BNC2: variants seen among roughly 807,000 people sequenced by gnomAD.
BNC2 encodes the protein basonuclin zinc finger protein 2.
In BNC2, 20 loss-of-function variants were observed where a neutral mutation model predicts 76.3. That is an observed-to-expected ratio of 0.26 (90% CI 0.18 to 0.38). The LOEUF (loss-of-function observed/expected upper bound fraction) is 0.38, where lower values mean the gene tolerates loss of function less well. Among genes scored for constraint, BNC2 ranks in the 10% least tolerant of loss-of-function variants. BNC2 has a pLI of 1.00. For synonymous variants in BNC2, 582 were observed against 514.8 expected, an observed-to-expected ratio of 1.13 and a Z score of -1.77; for missense variants, 1,382 against 1,399.8, an observed-to-expected ratio of 0.99 and a Z score of 0.20.
At chr9:16,625,162 C>G (rs960802222) in intron 3 of BNC2, among the ~76,000 whole-genome samples, 1 of 152,222 alleles carries the variant, frequency 6.6e-6, no homozygotes, top group Non-Finnish European at 1.5e-5. Context: ...GAACATGCAT[C>G]TACCCTATGC....
intron 1 of BNC2, among the ~76,000 whole-genome samples, chr9:16,784,137 A>G (rs938013295): frequency 1.3e-5 from 2 of 152,206 alleles, no homozygotes; most frequent in African/African-American, 2.4e-5. Context: ...TTCTTAGTCA[A>G]AAAGACTTTC....
In BNC2 at chr9:16,647,533, A is replaced by C. The variant is rs956801861; in HGVS notation, c.331-64448T>G. Among the ~76,000 whole-genome samples the C allele has an allele frequency of 3.3e-5, 5 of 152,264 alleles. No individual in the cohort carries two copies. The South Asian group carries it at 6.2e-4, about 19-fold the overall frequency. The stretch of plus-strand genomic sequence containing the variant: ...TGCAGAGAGAGTTTTTCTATTACAC[A>C]ATCATTTTTCCCCTAGGGTGACGCT... On this transcript the variant is annotated intron_variant, in intron 3 of 6. Coordinates refer to ENST00000380672, the MANE Select transcript of BNC2 (RefSeq NM_017637.6).
At chr9:16,704,524 T>C (rs1823603454) in intron 3 of BNC2, among the ~76,000 whole-genome samples, 2 of 150,988 alleles carry the variant, frequency 1.3e-5, no homozygotes, top group Non-Finnish European at 2.9e-5. Context: ...TTGGCTGCAA[T>C]TGAATTAGCA....
intron 3 of BNC2, chr9:16,727,590 C>CTTT: frequency 3.5e-6 from 2 of 572,742 alleles, no homozygotes; most frequent in Non-Finnish European, 3.1e-6. Flanking sequence ...ATCCTTTCCC[C>CTTT]TTTTTCTTTT....
intron 5 of BNC2, among the ~76,000 whole-genome samples, chr9:16,440,526 G>C (rs1434209359): frequency 6.6e-6 from 1 of 152,176 alleles, no homozygotes; most frequent in African/African-American, 2.4e-5. Flanking sequence ...TTCCAAGGTA[G>C]CCTGTACCTA....
At chr9:16,487,070 T>C (rs1822179690) in intron 5 of BNC2, among the ~76,000 whole-genome samples, 1 of 152,222 alleles carries the variant, frequency 6.6e-6, no homozygotes, top group African/African-American at 2.4e-5. Context: ...AGTGACACTT[T>C]CTATATTCCC....
At chr9:16,558,847 T>C (rs1383208073) in intron 4 of BNC2, among the ~76,000 whole-genome samples, 2 of 149,708 alleles carry the variant, frequency 1.3e-5, no homozygotes, top group Admixed American at 6.7e-5. Context: ...AGCAGGAGAA[T>C]CACTTGAACC....
intron 1 of BNC2, among the ~76,000 whole-genome samples, chr9:16,832,663 T>C (rs924278401): frequency 1.3e-5 from 2 of 152,000 alleles, no homozygotes; most frequent in East Asian, 1.9e-4. Context: ...CATTTAGAGG[T>C]AGAAGGAGAA....
At chr9:16,563,072 T>A (rs1372924089) in intron 4 of BNC2, among the ~76,000 whole-genome samples, 1 of 152,198 alleles carries the variant, frequency 6.6e-6, no homozygotes. Context: ...CTAATAAAAA[T>A]TAAGTCAAAT....
intron 3 of BNC2, among the ~76,000 whole-genome samples, chr9:16,604,006 CTT>C: frequency 6.6e-6 from 1 of 152,108 alleles, no homozygotes; most frequent in South Asian, 2.1e-4. Context: ...GTAAATAAAA[CTT>C]TACATGAGTT....
chr9:16,665,468 A>AAGAAAGAAAGAAAGAAAGAAAGAT (rs1822258285), intron 3 of BNC2, among the ~76,000 whole-genome samples: 1 of 124,568 alleles, frequency 8.0e-6, no homozygotes, highest in Non-Finnish European at 1.6e-5. Flanking sequence ...GAAAGAAAGA[A>AAGAAAGAAAGAAAGAAAGAAAGAT]AGAAAGAAAG....
At chr9:16,544,675 T>A (rs1215849896) in intron 5 of BNC2, among the ~76,000 whole-genome samples, 1 of 151,796 alleles carries the variant, frequency 6.6e-6, no homozygotes, top group Non-Finnish European at 1.5e-5. Flanking sequence ...AAAAATTAGC[T>A]AGGTGTGCTG....
rs915712179 is a variant in BNC2, at chr9:16,418,214, A to T, written c.*775T>A. On this transcript the variant is annotated 3_prime_UTR_variant, in exon 7 of 7. Transcript: ENST00000380672. ...GTACTAGTACAGGACATTTTAAAAA[A>T]TCAGATCTGTGCTGTAAAGCATGCC... The T allele has an allele frequency of 2.6e-5, 4 of 152,676 alleles. No individual in the cohort carries two copies. In the East Asian group the frequency reaches 7.7e-4, roughly 29 times the overall value. The allele number at this position is 152,676 out of a possible 1,614,324, so 9.5% of individuals were successfully genotyped here. A position where few individuals can be genotyped will look rare whatever the true frequency, so the allele number is the denominator to read the frequency against.
In BNC2 at chr9:16,639,130, CA is replaced by C. The variant is rs1377954105; in HGVS notation, c.331-56046del. The stretch of plus-strand genomic sequence containing the variant: ...GTGAACTTAATAAGTTTGAGGTTAT[CA>C]AAAAAATTACTGTACTTATTTTTTA... On this transcript the variant is annotated intron_variant, in intron 3 of 6. Coordinates refer to ENST00000380672, the MANE Select transcript of BNC2 (RefSeq NM_017637.6). Among the ~76,000 whole-genome samples, 3 of 151,942 alleles carry C rather than the reference CA, an allele frequency of 2.0e-5. No individual in the cohort carries two copies. In the East Asian group the frequency reaches 5.8e-4, roughly 29 times the overall value.
chr9:16,664,494 G>T (rs1587289440), intron 3 of BNC2, among the ~76,000 whole-genome samples: 1 of 152,028 alleles, frequency 6.6e-6, no homozygotes, highest in Non-Finnish European at 1.5e-5. Flanking sequence ...TCTCCTTTTA[G>T]CTGAGACTGT....
chr9:16,788,355 C>G (rs564563022), intron 1 of BNC2, among the ~76,000 whole-genome samples: 1 of 151,644 alleles, frequency 6.6e-6, no homozygotes, highest in African/African-American at 2.4e-5. Flanking sequence ...AGATCGAGAC[C>G]ATCCTGGCTA....
chr9:16,702,557 G>C (rs910651903), intron 3 of BNC2, among the ~76,000 whole-genome samples: 1 of 115,770 alleles, frequency 8.6e-6, no homozygotes, highest in African/African-American at 3.3e-5. Context: ...AAAAAAAAAA[G>C]ACATCTGCTG....
chr9:16,657,549 G>A (rs1268767832), intron 3 of BNC2, among the ~76,000 whole-genome samples: 3 of 152,176 alleles, frequency 2.0e-5, no homozygotes, highest in Non-Finnish European at 2.9e-5. Flanking sequence ...GCTGAGTTCT[G>A]AATGGAAGTT....
chr9:16,738,768 T>A (rs1283291318), intron 1 of BNC2, among the ~76,000 whole-genome samples: 2 of 152,080 alleles, frequency 1.3e-5, no homozygotes, highest in Non-Finnish European at 2.9e-5. Context: ...TTCTTCCACT[T>A]AATATGACAC....
Sources: gnomAD v4.1 joint callset for allele counts (sites outside exome capture counted in the v4.1 genomes callset) on GRCh38, gnomAD v4.1.1 for gene constraint, MANE v1.5 for transcripts, NCBI Gene and HGNC (gene_info 2026-07-23, HGNC 2026-07-21) for gene names.